TNRC6B: variants seen among roughly 807,000 people sequenced by gnomAD.
The protein encoded by TNRC6B is trinucleotide repeat-containing gene 6B protein.
A neutral mutation model predicts 203.6 loss-of-function variants in TNRC6B; 52 were observed. The ratio of observed to expected loss-of-function variants is 0.26; its 90% confidence interval spans 0.20 to 0.32. The LOEUF (loss-of-function observed/expected upper bound fraction) is 0.32, where lower values mean the gene tolerates loss of function less well. Ranked by LOEUF, TNRC6B falls within the 10% of genes least tolerant of loss-of-function variation. TNRC6B has a pLI of 1.00. For synonymous variants in TNRC6B, 838 were observed against 845.7 expected (o/e 0.99, Z 0.16); for missense variants, 1,923 against 2,286.2 (o/e 0.84, Z 3.24).
At chr22:40,272,385 A>T (rs888130955) in intron 6 of TNRC6B, among the ~76,000 whole-genome samples, 2 of 152,196 alleles carry the variant, frequency 1.3e-5, no homozygotes, top group Non-Finnish European at 2.9e-5. Context: ...TGTCTATCAT[A>T]GGCCTGATCC....
chr22:40,301,172 T>TGCAGCA lies in TNRC6B; in HGVS notation c.3979_3984dup (p.Gln1327_Gln1328dup), dbSNP rs139908. ...CAGCTGGCTCGAATGGTGAGTGCACTGCAGCAGCAGCAGCAGCAGCAGCAG... is the reference window on the plus strand; with the variant it reads ...CAGCTGGCTCGAATGGTGAGTGCACTGCAGCAGCAGCAGCAGCAGCAGCAGCAGCAG... On this transcript the variant is annotated inframe_insertion, in exon 15 of 23. Transcript: ENST00000454349. The TGCAGCA allele has an allele frequency of 2.5e-5, 39 of 1,545,968 alleles. No homozygotes were observed. The highest frequency in any genetic ancestry group is 1.7e-4 in the African/African-American group (12 of 72,328).
rs369293404 is a variant in TNRC6B, at chr22:40,149,601, C to T, written c.46-6514C>T. Among the ~76,000 whole-genome samples, 21 of 141,486 alleles carry T rather than the reference C, an allele frequency of 1.5e-4. 1 individual carries two copies. The highest frequency in any genetic ancestry group is 9.4e-4 in the Admixed American group (12 of 12,832). The allele number at this position is 141,486 out of a possible 152,430, so 92.8% of individuals were successfully genotyped here. On this transcript the variant is annotated intron_variant, in intron 3 of 23. Coordinates refer to the TNRC6B transcript ENST00000301923. ...AGGAGAATCTCTTGAACCCAGGAGG[C>T]GGAGGTTGCAGTGAGCCGAGATCGC...
At chr22:40,319,074 G>T (rs888200006) in intron 21 of TNRC6B, among the ~76,000 whole-genome samples, 1 of 151,902 alleles carries the variant, frequency 6.6e-6, no homozygotes, top group African/African-American at 2.4e-5. Context: ...CTGTTTCAAA[G>T]AAAAAAATGT....
At chr22:40,128,801 G>T (rs1289974811) in intron 3 of TNRC6B, among the ~76,000 whole-genome samples, 1 of 152,072 alleles carries the variant, frequency 6.6e-6, no homozygotes, top group Non-Finnish European at 1.5e-5. Flanking sequence ...GGAATTATAG[G>T]TGTAAGCCAC....
intron 1 of TNRC6B, among the ~76,000 whole-genome samples, chr22:40,068,218 CT>C (rs1220176912): frequency 1.3e-5 from 2 of 152,094 alleles, no homozygotes; most frequent in Non-Finnish European, 2.9e-5. Context: ...GTAATTTCAT[CT>C]TTTTAGTTAA....
At chr22:40,096,444 C>A (rs1047519352) in intron 1 of TNRC6B, among the ~76,000 whole-genome samples, 1 of 152,180 alleles carries the variant, frequency 6.6e-6, no homozygotes, top group Non-Finnish European at 1.5e-5. Flanking sequence ...ATCAAACTTG[C>A]ACTAGCATAC....
At chr22:40,258,488 G>T (rs1283246770) in intron 3 of TNRC6B, among the ~76,000 whole-genome samples, 1 of 152,172 alleles carries the variant, frequency 6.6e-6, no homozygotes, top group African/African-American at 2.4e-5. Flanking sequence ...TCACAGAAAG[G>T]TGTGATTTAA....
intron 16 of TNRC6B, among the ~76,000 whole-genome samples, chr22:40,309,065 A>T (rs2071135888): frequency 6.6e-6 from 1 of 152,268 alleles, no homozygotes; most frequent in African/African-American, 2.4e-5. Flanking sequence ...AAGAGGACTA[A>T]TAGATCATAA....
chr22:40,172,173 C>T (rs1016918377), intron 4 of TNRC6B, among the ~76,000 whole-genome samples: 1 of 152,344 alleles, frequency 6.6e-6, no homozygotes, highest in Admixed American at 6.5e-5. Context: ...AGCCACCATG[C>T]CCGGCCTAAA....
intron 3 of TNRC6B, among the ~76,000 whole-genome samples, chr22:40,147,095 A>G (rs533633079): frequency 1.2e-4 from 19 of 152,362 alleles, no homozygotes; most frequent in Admixed American, 1.3e-4. Flanking sequence ...ATATACATAC[A>G]ATGGAATATT....
At chr22:40,085,368 T>G (rs780343936) in intron 1 of TNRC6B, among the ~76,000 whole-genome samples, 1 of 152,226 alleles carries the variant, frequency 6.6e-6, no homozygotes, top group African/African-American at 2.4e-5. Flanking sequence ...TTTGTTTTAG[T>G]TGTTAAATTT....
chr22:40,292,780 G>A (rs1317407225), intron 12 of TNRC6B, among the ~76,000 whole-genome samples: 1 of 152,214 alleles, frequency 6.6e-6, no homozygotes, highest in East Asian at 1.9e-4. Context: ...GAAAGGAGAA[G>A]TTGAGCACGG....
At chr22:40,139,613 C>T (rs920642996) in intron 3 of TNRC6B, among the ~76,000 whole-genome samples, 7 of 151,992 alleles carry the variant, frequency 4.6e-5, no homozygotes, top group South Asian at 2.1e-4. Flanking sequence ...ATTACAGGCG[C>T]GAGCCACTGT....
At chr22:40,283,580 C>T (rs967304277) in intron 11 of TNRC6B, among the ~76,000 whole-genome samples, 1 of 152,172 alleles carries the variant, frequency 6.6e-6, no homozygotes, top group South Asian at 2.1e-4. Flanking sequence ...AAATGAGCAG[C>T]TTGTGATGCC....
chr22:40,131,308 T>C (rs2068543216), intron 3 of TNRC6B, among the ~76,000 whole-genome samples: 1 of 152,134 alleles, frequency 6.6e-6, no homozygotes, highest in Non-Finnish European at 1.5e-5. Flanking sequence ...CGTAACATTT[T>C]CTTGGAGAGA....
Position 40,331,802 on chromosome 22 carries a change from C to G in TNRC6B, c.*8561C>G, listed in dbSNP as rs1412762485. 1 of 372,210 alleles carries G rather than the reference C, an allele frequency of 2.7e-6. No homozygotes were observed. Among genetic ancestry groups the G allele is most frequent in the Admixed American group, 4.7e-5 (1 of 21,490 alleles). The allele number at this position is 372,210 out of a possible 1,614,324, so 23.1% of individuals were successfully genotyped here. On this transcript the variant is annotated 3_prime_UTR_variant, in exon 23 of 23. Coordinates refer to ENST00000454349, the MANE Select transcript of TNRC6B (RefSeq NM_001162501.2). ...AAGGGAGTAGCGTTGCATCCTTGTT[C>G]TTCAGTTTCTGTGTCCATGGTGTCC...
intron 1 of TNRC6B, among the ~76,000 whole-genome samples, chr22:40,243,525 GTTTGTT>G (rs2070060977): frequency 6.6e-6 from 1 of 152,134 alleles, no homozygotes; most frequent in Non-Finnish European, 1.5e-5. Context: ...ATTTGAAAAG[GTTTGTT>G]TTTGAAGAAC....
chr22:40,158,710 T>C (rs979378202), intron 4 of TNRC6B, among the ~76,000 whole-genome samples: 23 of 152,206 alleles, frequency 1.5e-4, no homozygotes, highest in African/African-American at 5.3e-4. Flanking sequence ...GCCTGGCCTT[T>C]TCACAGATGA....
intron 1 of TNRC6B, among the ~76,000 whole-genome samples, chr22:40,047,327 C>T (rs1601781837): frequency 6.6e-6 from 1 of 152,094 alleles, no homozygotes; most frequent in African/African-American, 2.4e-5. Flanking sequence ...TTAGGCTGGG[C>T]GCGATGGCTC....
Sources: gnomAD v4.1 joint callset for allele counts (sites outside exome capture counted in the v4.1 genomes callset) on GRCh38, gnomAD v4.1.1 for gene constraint, MANE v1.5 for transcripts, NCBI Gene and HGNC (gene_info 2026-07-23, HGNC 2026-07-21) for gene names.